The following SPATA13 variants were observed in gnomAD, a reference collection of about 807,000 sequenced individuals.
The protein encoded by SPATA13 is spermatogenesis associated 13.
Under a neutral mutation model 104.0 loss-of-function variants are expected in SPATA13, and 50 were observed. The ratio of observed to expected loss-of-function variants is 0.48; its 90% CI spans 0.38 to 0.61. SPATA13 has a LOEUF of 0.61. Among genes scored for constraint, SPATA13 ranks in the 20% least tolerant of loss-of-function variants. The probability of loss-of-function intolerance (pLI) is 0.00; values close to 1 mark genes in which losing one functional copy is unlikely to be tolerated. For synonymous variants in SPATA13, 606 were observed against 667.5 expected (o/e 0.91, Z 1.42); for missense variants, 1,524 against 1,690.6 (o/e 0.90, Z 1.73).
intron 7 of SPATA13, among the ~76,000 whole-genome samples, chr13:24,287,866 T>C (rs1304347865): frequency 6.6e-6 from 1 of 152,246 alleles, no homozygotes; most frequent in African/African-American, 2.4e-5. Context: ...CTGTTCGCCC[T>C]GTCTGCTCAT....
At position 24,039,170 on chromosome 13, in the gene SPATA13, G is replaced by A. The variant is rs533834046; in HGVS notation, c.-112+21469G>A. Among the ~76,000 whole-genome samples the A allele has an allele frequency of 3.3e-5, 5 of 152,304 alleles. No homozygotes were observed. In the East Asian group the frequency reaches 5.8e-4, roughly 18 times the overall value. Reference sequence around the variant, plus strand: ...GCTCTGTGCACACAATGAATAAAACGTTCATGGTGTATGATGTCACCACAG... The same window carrying A: ...GCTCTGTGCACACAATGAATAAAACATTCATGGTGTATGATGTCACCACAG... On this transcript the variant is annotated intron_variant, in intron 3 of 14. Coordinates refer to the SPATA13 transcript ENST00000424834.
upstream of SPATA13, among the ~76,000 whole-genome samples, chr13:24,159,233 T>G (rs1321894487): frequency 6.6e-6 from 1 of 152,214 alleles, no homozygotes; most frequent in East Asian, 1.9e-4. Flanking sequence ...GTCAATGATA[T>G]TAGCCTCACA....
chr13:24,142,728 TTTCTCC>T (rs1054476235), intron 3 of SPATA13, among the ~76,000 whole-genome samples: 6 of 152,220 alleles, frequency 3.9e-5, no homozygotes, highest in Admixed American at 1.3e-4. Context: ...TCTCCTCCTT[TTTCTCC>T]TTCTCCTTCT....
chr13:24,066,870 G>A (rs1339433797), intron 3 of SPATA13, among the ~76,000 whole-genome samples: 4 of 152,224 alleles, frequency 2.6e-5, no homozygotes, highest in Non-Finnish European at 5.9e-5. Context: ...AGATCTGGCA[G>A]ACTGGTAGAC....
chr13:24,016,655 C>T (rs1876725885), intron 2 of SPATA13, among the ~76,000 whole-genome samples: 1 of 152,358 alleles, frequency 6.6e-6, no homozygotes, highest in Admixed American at 6.5e-5. Context: ...GCTCCCTCTC[C>T]TTCCTGGCTC....
chr13:23,994,631 A>G (rs1875588829), intron 2 of SPATA13, among the ~76,000 whole-genome samples: 1 of 152,214 alleles, frequency 6.6e-6, no homozygotes, highest in Non-Finnish European at 1.5e-5. Context: ...GACATGTTGA[A>G]GTTTTCTGTT....
intron 4 of SPATA13, among the ~76,000 whole-genome samples, chr13:24,265,247 G>T (rs1874246774): frequency 6.6e-6 from 1 of 152,212 alleles, no homozygotes; most frequent in Admixed American, 6.5e-5. Context: ...TGCCCAACAG[G>T]AGTCGGCCTG....
At chr13:24,235,401 G>C (rs562655004) in intron 2 of SPATA13, among the ~76,000 whole-genome samples, 1 of 152,316 alleles carries the variant, frequency 6.6e-6, no homozygotes, top group East Asian at 1.9e-4. Context: ...ATTGAAGCCA[G>C]GGAGGCATGC....
chr13:24,092,789 C>A (rs529367951), intron 3 of SPATA13, among the ~76,000 whole-genome samples: 11 of 152,146 alleles, frequency 7.2e-5, no homozygotes, highest in Non-Finnish European at 1.6e-4. Flanking sequence ...TCTTAGCAGT[C>A]ATATTTGGGC....
intron 4 of SPATA13, among the ~76,000 whole-genome samples, chr13:24,276,724 A>G (rs1480164109): frequency 1.3e-5 from 2 of 152,248 alleles, no homozygotes; most frequent in East Asian, 3.8e-4. Flanking sequence ...CATTTTGAGA[A>G]TTTATAATAG....
intron 1 of SPATA13, among the ~76,000 whole-genome samples, chr13:24,182,372 G>A (rs1235683181): frequency 6.6e-6 from 1 of 152,166 alleles, no homozygotes; most frequent in Non-Finnish European, 1.5e-5. Context: ...GGTTCTGCAG[G>A]CTGTACAGGA....
At chr13:24,228,129 TTTG>T (rs1872056980) in intron 2 of SPATA13, among the ~76,000 whole-genome samples, 1 of 127,792 alleles carries the variant, frequency 7.8e-6, no homozygotes, top group African/African-American at 2.7e-5. Flanking sequence ...TTTTTTTTTT[TTTG>T]AGACGGAGTC....
At chr13:24,253,402 C>A (rs981147460) in intron 4 of SPATA13, among the ~76,000 whole-genome samples, 1 of 152,162 alleles carries the variant, frequency 6.6e-6, no homozygotes. Flanking sequence ...CAGACACCTC[C>A]AAGTCTAGGA....
In SPATA13 at chr13:24,306,801, G is replaced by A. The variant is rs1007984227; in HGVS notation, c.*4028G>A. 9 of 151,690 alleles carry A rather than the reference G, an allele frequency of 5.9e-5. No homozygotes were observed. Among genetic ancestry groups the A allele is most frequent in the African/African-American group, 1.5e-4 (6 of 41,274 alleles). The allele number at this position is 151,690 out of a possible 1,614,324, so 9.4% of individuals were successfully genotyped here. The stretch of plus-strand genomic sequence containing the variant: ...TATTAGTGTCCATTCTGTATGACTC[G>A]CTAACCTACTTTGCAAGGCTTTGGG... On this transcript the variant is annotated 3_prime_UTR_variant, in exon 13 of 13. Transcript: ENST00000382108.
At chr13:24,240,512 C>A (rs564091633) in intron 2 of SPATA13, among the ~76,000 whole-genome samples, 20 of 152,178 alleles carry the variant, frequency 1.3e-4, no homozygotes, top group Non-Finnish European at 2.8e-4. Flanking sequence ...GTGAGGGGCA[C>A]AGGACATGGT....
chr13:24,271,061 T>C, intron 4 of SPATA13: 2 of 675,176 alleles, frequency 3.0e-6, no homozygotes, highest in Non-Finnish European at 5.4e-6. Flanking sequence ...TCTCTCTCAC[T>C]CTCTCTCTTT....
intron 2 of SPATA13, among the ~76,000 whole-genome samples, chr13:23,988,739 A>G (rs1199609210): frequency 6.6e-6 from 1 of 152,168 alleles, no homozygotes; most frequent in East Asian, 1.9e-4. Flanking sequence ...CCTATTTTGA[A>G]TGAACTCTGA....
Position 24,205,159 on chromosome 13 carries a change from T to C in SPATA13, c.-111-17660T>C, listed in dbSNP as rs1476576779. ...AAGAGAGGAAGTCAAACTATCCCTG[T>C]TTGCAGATGACATGATTCTGTATCC... On this transcript the variant is annotated intron_variant, in intron 1 of 12. Coordinates refer to ENST00000382108, the MANE Select transcript of SPATA13 (RefSeq NM_001166271.3). This position sits in a 1 kb window ranked among gnomAD's most constrained non-coding sequence, Gnocchi z 4.1. Among the ~76,000 whole-genome samples, 2 of 152,170 alleles carry C rather than the reference T, an allele frequency of 1.3e-5. No individual in the cohort carries two copies. Among genetic ancestry groups the C allele is most frequent in the Non-Finnish European group, 2.9e-5 (2 of 68,032 alleles).
At chr13:24,084,436 T>G (rs1362883601) in intron 3 of SPATA13, among the ~76,000 whole-genome samples, 3 of 152,204 alleles carry the variant, frequency 2.0e-5, no homozygotes, top group Non-Finnish European at 4.4e-5. Flanking sequence ...GTTCTGGACG[T>G]GCGAGGTACA....
Sources: gnomAD v4.1 joint callset for allele counts (sites outside exome capture counted in the v4.1 genomes callset) on GRCh38, gnomAD v4.1.1 for gene constraint, Gnocchi (gnomAD v3.1) non-coding constraint, MANE v1.5 for transcripts, NCBI Gene and HGNC (gene_info 2026-07-23, HGNC 2026-07-21) for gene names.